UBE3C: variants seen among roughly 807,000 people sequenced by gnomAD.
The protein encoded by UBE3C is ubiquitin protein ligase E3C.
A neutral mutation model predicts 129.4 loss-of-function variants in UBE3C; 42 were observed. The ratio of observed to expected loss-of-function variants is 0.32; its 90% CI spans 0.25 to 0.42. The LOEUF is 0.42. UBE3C is among the 10% of genes least tolerant of loss of function. The pLI is 1.00. For synonymous variants in UBE3C, 510 were observed against 492.4 expected (o/e 1.04, Z -0.47); for missense variants, 1,049 against 1,319.1 (o/e 0.80, Z 3.17).
intron 1 of UBE3C, 118 bp downstream of exon 1, chr7:157,139,456 G>C (rs1388791193): frequency 2.1e-6 from 2 of 953,998 alleles, no homozygotes; most frequent in East Asian, 3.4e-5. Context: ...GGCTGGATTC[G>C]GGGCCTCCCT....
intron 10 of UBE3C, among the ~76,000 whole-genome samples, chr7:157,187,778 A>G (rs1364055581): frequency 2.0e-5 from 3 of 151,874 alleles, no homozygotes; most frequent in African/African-American, 2.4e-5. Flanking sequence ...GGGTTTCACC[A>G]TGTTAGCCAG....
intron 2 of UBE3C, among the ~76,000 whole-genome samples, chr7:157,165,639 T>G (rs576603054): frequency 6.6e-6 from 1 of 152,314 alleles, no homozygotes; most frequent in South Asian, 2.1e-4. Flanking sequence ...CCTCAAGTGA[T>G]CTGCCTGTCT....
chr7:157,186,147 G>A (rs1458731072), intron 9 of UBE3C, among the ~76,000 whole-genome samples: 4 of 152,084 alleles, frequency 2.6e-5, no homozygotes, highest in Non-Finnish European at 5.9e-5. Context: ...TAATAGGCTG[G>A]GAGCAGTGGC....
chr7:157,201,670 T>TTA, intron 10 of UBE3C, 51 bp from the exon 11 acceptor site: 3 of 932,176 alleles, frequency 3.2e-6, no homozygotes, highest in Non-Finnish European at 3.2e-6. Context: ...AGAAATGTTT[T>TTA]GAATAAGTAA....
intron 17 of UBE3C, among the ~76,000 whole-genome samples, chr7:157,226,282 G>A (rs62491931): frequency 0.1 from 15,481 of 152,158 alleles, 901 homozygotes; most frequent in African/African-American, 0.14. Flanking sequence ...TGACACTGCC[G>A]TTAGTAAAGG....
intron 1 of UBE3C, among the ~76,000 whole-genome samples, chr7:157,145,379 G>A (rs1423963164): frequency 6.6e-6 from 1 of 152,024 alleles, no homozygotes; most frequent in Non-Finnish European, 1.5e-5. Flanking sequence ...TTAGCCAGGC[G>A]TGGTGACAGG....
chr7:157,213,099 G>A (rs532089731), intron 13 of UBE3C, among the ~76,000 whole-genome samples: 52 of 152,324 alleles, frequency 3.4e-4, no homozygotes, highest in Non-Finnish European at 6.3e-4. Flanking sequence ...CTTGAATAAT[G>A]TATTAGTTTC....
Position 157,182,343 on chromosome 7 carries a change from A to G in UBE3C, c.991+15A>G, listed in dbSNP as rs775662376. Reference sequence around the variant, plus strand: ...AAATTATTTGGGTATGAAATACAAGATCTTTTTTACCTGAACACACATATG... The same window carrying G: ...AAATTATTTGGGTATGAAATACAAGGTCTTTTTTACCTGAACACACATATG... On this transcript the variant is annotated intron_variant, in intron 8 of 22. Transcript: ENST00000348165. 19 of 1,611,906 alleles carry G rather than the reference A, an allele frequency of 1.2e-5. No individual in the cohort carries two copies. In the South Asian group the frequency reaches 2.0e-4, roughly 17 times the overall value.
intron 13 of UBE3C, among the ~76,000 whole-genome samples, chr7:157,212,669 A>G (rs1039365208): frequency 6.6e-6 from 1 of 152,240 alleles, no homozygotes; most frequent in African/African-American, 2.4e-5. Context: ...TATTGGGGTT[A>G]AGGGAAACCT....
intron 5 of UBE3C, among the ~76,000 whole-genome samples, chr7:157,178,050 T>TG (rs545815813): frequency 3.7e-4 from 55 of 148,330 alleles, no homozygotes; most frequent in Non-Finnish European, 7.4e-4. Flanking sequence ...AGGATTGGGG[T>TG]GGGGGGAAAG....
chr7:157,182,452 T>G, intron 8 of UBE3C, 124 bp downstream of exon 8: 1 of 932,060 alleles, frequency 1.1e-6, no homozygotes, highest in Non-Finnish European at 1.6e-6. Flanking sequence ...GGAGTGTATT[T>G]GCTGGAGGGA....
At chr7:157,201,076 C>T (rs996736252) in intron 10 of UBE3C, among the ~76,000 whole-genome samples, 1 of 152,034 alleles carries the variant, frequency 6.6e-6, no homozygotes, top group Non-Finnish European at 1.5e-5. Flanking sequence ...GTAATCCCAG[C>T]ACTTTGGGAT....
chr7:157,159,322 A>AC (rs1319094437), intron 1 of UBE3C, among the ~76,000 whole-genome samples: 1 of 132,714 alleles, frequency 7.5e-6, no homozygotes, highest in African/African-American at 3.8e-5. Context: ...AAAAGAAAAG[A>AC]TTAAAAAAAA....
intron 10 of UBE3C, among the ~76,000 whole-genome samples, chr7:157,191,510 C>T (rs772182938): frequency 7.9e-5 from 12 of 152,172 alleles, no homozygotes; most frequent in Non-Finnish European, 1.6e-4. Context: ...AGGCTGGTCT[C>T]GAACACCTGG....
intron 15 of UBE3C, chr7:157,221,750 A>G (rs946480643): frequency 6.6e-6 from 1 of 152,070 alleles, no homozygotes; most frequent in Non-Finnish European, 1.5e-5. Flanking sequence ...AAAAAAAAAA[A>G]TTTGGCCATT....
chr7:157,230,982 T>C, intron 17 of UBE3C, 98 bp from the exon 18 acceptor site: 1 of 1,488,092 alleles, frequency 6.7e-7, no homozygotes, highest in East Asian at 2.3e-5. Context: ...GTCCCTAAGA[T>C]CCTCACACCC....
chr7:157,196,916 C>T (rs186806606), intron 10 of UBE3C, among the ~76,000 whole-genome samples: 16 of 152,198 alleles, frequency 1.1e-4, no homozygotes, highest in Admixed American at 9.8e-4. Flanking sequence ...TTGTGGTGAG[C>T]GGAGATAGCG....
chr7:157,223,813 G>C (rs1287679632), intron 16 of UBE3C, among the ~76,000 whole-genome samples: 1 of 152,102 alleles, frequency 6.6e-6, no homozygotes, highest in African/African-American at 2.4e-5. Context: ...CCAGCTACTT[G>C]GGATGCTGAG....
intron 1 of UBE3C, 72 bp downstream of exon 1, chr7:157,139,410 G>GTTGGACTCGGGT: frequency 1.4e-6 from 2 of 1,421,590 alleles, no homozygotes; most frequent in Non-Finnish European, 1.8e-6. Context: ...GGGACTCGGG[G>GTTGGACTCGGGT]CTGGACTCGG....
Sources: gnomAD v4.1 joint callset for allele counts (sites outside exome capture counted in the v4.1 genomes callset) on GRCh38, gnomAD v4.1.1 for gene constraint, MANE v1.5 for transcripts, NCBI Gene and HGNC (gene_info 2026-07-23, HGNC 2026-07-21) for gene names.